ZSWIM6: variants seen among roughly 807,000 people sequenced by gnomAD.
ZSWIM6 encodes zinc finger SWIM domain-containing protein 6.
A neutral mutation model predicts 113.2 loss-of-function variants in ZSWIM6; 9 were observed. The ratio of observed to expected loss-of-function variants is 0.08; its 90% CI spans 0.05 to 0.14. The LOEUF (loss-of-function observed/expected upper bound fraction) is 0.14, where lower values mean the gene tolerates loss of function less well. Among genes scored for constraint, ZSWIM6 ranks in the 10% least tolerant of loss-of-function variants. The pLI is 1.00. For synonymous variants in ZSWIM6, 611 were observed against 606.5 expected, an observed-to-expected ratio of 1.01 and a Z score of -0.11; for missense variants, 1,162 against 1,552.2, an observed-to-expected ratio of 0.75 and a Z score of 4.22.
At chr5:61,498,666 T>G (rs1748383071) in intron 4 of ZSWIM6, among the ~76,000 whole-genome samples, 1 of 152,152 alleles carries the variant, frequency 6.6e-6, no homozygotes, top group African/African-American at 2.4e-5. Flanking sequence ...ATTTTTTGAA[T>G]TAACCTGCTC....
intron 1 of ZSWIM6, among the ~76,000 whole-genome samples, chr5:61,407,121 A>G (rs1213701668): frequency 1.8e-5 from 2 of 112,460 alleles, no homozygotes; most frequent in Non-Finnish European, 4.3e-5. Context: ...TGGAAAACAT[A>G]TCTTACTTTA....
intron 1 of ZSWIM6, among the ~76,000 whole-genome samples, chr5:61,344,791 G>A (rs143441812): frequency 2.4e-4 from 36 of 152,322 alleles, no homozygotes; most frequent in Admixed American, 6.5e-4. Context: ...GGGTCAGCAC[G>A]TTGTGGGACT....
chr5:61,459,738 A>C (rs1386553881), intron 1 of ZSWIM6, among the ~76,000 whole-genome samples: 2 of 152,178 alleles, frequency 1.3e-5, no homozygotes, highest in African/African-American at 2.4e-5. Context: ...AGGTACTTCT[A>C]AGTGCCACCA....
intron 1 of ZSWIM6, among the ~76,000 whole-genome samples, chr5:61,371,513 G>T (rs188648953): frequency 6.6e-6 from 1 of 152,196 alleles, no homozygotes; most frequent in Non-Finnish European, 1.5e-5. Context: ...AGTGCATGGC[G>T]TGGTGATTTG....
At chr5:61,363,298 G>T (rs1745072020) in intron 1 of ZSWIM6, among the ~76,000 whole-genome samples, 1 of 152,212 alleles carries the variant, frequency 6.6e-6, no homozygotes, top group African/African-American at 2.4e-5. Flanking sequence ...TGTCATCATG[G>T]AATCAGAGTA....
intron 1 of ZSWIM6, chr5:61,375,271 G>A (rs1168588511): frequency 1.9e-6 from 3 of 1,612,020 alleles, no homozygotes; most frequent in East Asian, 4.5e-5. Context: ...GGAAAAGAAA[G>A]GCTCCAAGGC....
chr5:61,423,296 T>G (rs1350407199), intron 1 of ZSWIM6, among the ~76,000 whole-genome samples: 2 of 151,974 alleles, frequency 1.3e-5, no homozygotes, highest in Admixed American at 1.3e-4. Context: ...TAATCCCAGC[T>G]ACTCGGTAGG....
rs114062064 is a variant in ZSWIM6 at position 61,453,727 on chromosome 5, A to T, written c.677-18954A>T. ...GAATAACCATGCCTTTTTTTTTTTT[A>T]AATTATTATTAGAAGGGAGTCACCA... On this transcript the variant is annotated intron_variant, in intron 1 of 13. Transcript: ENST00000252744. Among the ~76,000 whole-genome samples the T allele has an allele frequency of 8.3e-3, 1,244 of 149,112 alleles. 12 individuals are homozygous for T. Among genetic ancestry groups the T allele is most frequent in the African/African-American group, 0.028 (1,154 of 40,600 alleles).
intron 13 of ZSWIM6, among the ~76,000 whole-genome samples, chr5:61,542,509 A>G (rs1749767195): frequency 6.6e-6 from 1 of 152,234 alleles, no homozygotes; most frequent in African/African-American, 2.4e-5. Context: ...ACAGAAACAA[A>G]TGGTTGCTAT....
At chr5:61,528,272 C>A (rs1267127843) in intron 7 of ZSWIM6, among the ~76,000 whole-genome samples, 1 of 150,142 alleles carries the variant, frequency 6.7e-6, no homozygotes, top group Non-Finnish European at 1.5e-5. Context: ...TGAAAAAAAA[C>A]AGATTTATTT....
intron 4 of ZSWIM6, among the ~76,000 whole-genome samples, chr5:61,498,652 C>T (rs184555806): frequency 3.9e-4 from 60 of 152,238 alleles, no homozygotes; most frequent in Admixed American, 7.2e-4. Flanking sequence ...CCCTTTGAGA[C>T]TATATTTTTT....
At chr5:61,432,434 T>C (rs900186896) in intron 1 of ZSWIM6, among the ~76,000 whole-genome samples, 1 of 152,228 alleles carries the variant, frequency 6.6e-6, no homozygotes, top group South Asian at 2.1e-4. Context: ...TCCTTGCATA[T>C]TAATTGAAAC....
intron 1 of ZSWIM6, among the ~76,000 whole-genome samples, chr5:61,403,578 GGAA>G (rs1745982297): frequency 6.6e-6 from 1 of 152,158 alleles, no homozygotes; most frequent in Non-Finnish European, 1.5e-5. Context: ...TGGAGGCCAG[GGAA>G]GAAGGAGCCT....
At chr5:61,413,268 C>G (rs989729418) in intron 1 of ZSWIM6, among the ~76,000 whole-genome samples, 2 of 146,886 alleles carry the variant, frequency 1.4e-5, no homozygotes, top group African/African-American at 5.0e-5. Flanking sequence ...TGAGAACATG[C>G]GGTGTTTGGT....
Position 61,544,407 on chromosome 5 carries a change from G to A in ZSWIM6, c.*90G>A. 3.4e-6 allele frequency: 3 copies of A among 875,470 alleles called. No individual in the cohort carries two copies. Among genetic ancestry groups the A allele is most frequent in the Non-Finnish European group, 5.3e-6 (3 of 569,792 alleles). The allele number at this position is 875,470 out of a possible 1,614,324, so 54.2% of individuals were successfully genotyped here. The stretch of plus-strand genomic sequence containing the variant: ...GCCTTTGTACCCTTTTTAACTTAAA[G>A]AACAGAGCCACACCGGTATTATATG... On this transcript the variant is annotated 3_prime_UTR_variant, in exon 14 of 14. Coordinates refer to ENST00000252744, the MANE Select transcript of ZSWIM6 (RefSeq NM_020928.2).
intron 1 of ZSWIM6, among the ~76,000 whole-genome samples, chr5:61,393,401 A>G (rs1009078673): frequency 9.2e-5 from 14 of 152,252 alleles, no homozygotes; most frequent in Non-Finnish European, 7.4e-5. Flanking sequence ...CAATTCTACA[A>G]TAAACATTAT....
chr5:61,533,238 C>T (rs1018169481), intron 9 of ZSWIM6, among the ~76,000 whole-genome samples: 4 of 152,158 alleles, frequency 2.6e-5, no homozygotes, highest in Non-Finnish European at 4.4e-5. Context: ...CAGTCCAAGG[C>T]GGGGAGGCCA....
At chr5:61,428,278 C>T (rs916608491) in intron 1 of ZSWIM6, among the ~76,000 whole-genome samples, 1 of 152,204 alleles carries the variant, frequency 6.6e-6, no homozygotes, top group Non-Finnish European at 1.5e-5. Context: ...GGTGAACTAA[C>T]TCACTTGGCC....
intron 1 of ZSWIM6, among the ~76,000 whole-genome samples, chr5:61,421,654 C>T (rs935331206): frequency 8.5e-5 from 13 of 152,198 alleles, no homozygotes; most frequent in Non-Finnish European, 1.5e-4. Context: ...AAGTAGGCCC[C>T]ATTGTCTGTT....
Sources: gnomAD v4.1 joint callset for allele counts (sites outside exome capture counted in the v4.1 genomes callset) on GRCh38, gnomAD v4.1.1 for gene constraint, MANE v1.5 for transcripts, NCBI Gene and HGNC (gene_info 2026-07-23, HGNC 2026-07-21) for gene names.